MSH3: variants seen among roughly 807,000 people sequenced by gnomAD.
MSH3 encodes the protein mutS homolog 3.
MSH3 carries 106 observed loss-of-function variants against 123.3 expected under a neutral mutation model. The observed-to-expected ratio is 0.86, with a 90% CI of 0.73 to 1.01. The LOEUF is 1.01. Among genes scored for constraint, MSH3 ranks in the 50% least tolerant of loss-of-function variants. The pLI is 0.00. For synonymous variants in MSH3, 515 were observed against 481.4 expected (o/e 1.07, Z -0.91); for missense variants, 1,459 against 1,347.6 (o/e 1.08, Z -1.29).
chr5:80,852,471 A>G (rs527399244), intron 20 of MSH3, among the ~76,000 whole-genome samples: 24 of 152,336 alleles, frequency 1.6e-4, no homozygotes, highest in Admixed American at 1.5e-3. Context: ...ACATCCTGCC[A>G]CAATAAAGGC....
chr5:80,764,980 G>A (rs1744099665), intron 13 of MSH3, among the ~76,000 whole-genome samples: 1 of 152,152 alleles, frequency 6.6e-6, no homozygotes, highest in African/African-American at 2.4e-5. Context: ...TTGTGGGTCT[G>A]TGCTCAAGCT....
chr5:80,821,580 A>T (rs774395466), intron 20 of MSH3, among the ~76,000 whole-genome samples: 16 of 152,364 alleles, frequency 1.1e-4, no homozygotes, highest in Non-Finnish European at 2.1e-4. Context: ...TGCAGATTAT[A>T]GAGATTTAAA....
At chr5:80,690,323 T>G (rs1750199950) in intron 8 of MSH3, among the ~76,000 whole-genome samples, 1 of 152,016 alleles carries the variant, frequency 6.6e-6, no homozygotes, top group Non-Finnish European at 1.5e-5. Flanking sequence ...TGTTGTTGTT[T>G]TTGAGAGGAA....
At chr5:80,731,869 T>C (rs1445746930) in intron 10 of MSH3, among the ~76,000 whole-genome samples, 2 of 152,248 alleles carry the variant, frequency 1.3e-5, no homozygotes, top group African/African-American at 4.8e-5. Flanking sequence ...TTTTGGACTT[T>C]TATTTACAAA....
intron 18 of MSH3, among the ~76,000 whole-genome samples, chr5:80,790,144 A>G (rs1290336573): frequency 1.3e-5 from 2 of 152,300 alleles, no homozygotes; most frequent in East Asian, 3.9e-4. Flanking sequence ...TTTGGGAAAC[A>G]CTTGGACTTG....
At chr5:80,737,663 C>T (rs1477441991) in intron 10 of MSH3, among the ~76,000 whole-genome samples, 1 of 151,942 alleles carries the variant, frequency 6.6e-6, no homozygotes, top group East Asian at 1.9e-4. Context: ...TAGATATAAC[C>T]CTTAGTTCAA....
chr5:80,655,095 G>C (rs1477514225), intron 1 of MSH3, 131 bp downstream of exon 1: 6 of 569,404 alleles, frequency 1.1e-5, no homozygotes, highest in Non-Finnish European at 1.8e-5. Flanking sequence ...TGAAGAAGGG[G>C]AAGGTGGGAA....
chr5:80,665,914 T>C (rs566370138), intron 3 of MSH3, among the ~76,000 whole-genome samples: 14 of 152,212 alleles, frequency 9.2e-5, no homozygotes, highest in Non-Finnish European at 1.9e-4. Context: ...TTCAGAATAG[T>C]GATTGGTTCG....
In MSH3 at chr5:80,679,079, A is replaced by T; in HGVS notation, c.1326A>T (p.Arg442Ser). The change falls in exon 8 of 24, where the codon AGA becomes AGT. Residue 442 changes from arginine (R) to serine (S), a missense_variant. Transcript: ENST00000265081. ...AGCAAACAGAGGCGCTCATCCACAG[A>T]GCCACATCTGTTAGGTAAGTTGGCA... is the stretch of plus-strand genomic sequence containing the variant. ...LSEQTEALIH[R>S]ATSVSVQDDR... 6.2e-7 allele frequency: 1 copy of T among 1,614,054 alleles called. No individual in the cohort carries two copies. Among genetic ancestry groups the T allele is most frequent in the Non-Finnish European group, 8.5e-7 (1 of 1,179,986 alleles).
intron 19 of MSH3, among the ~76,000 whole-genome samples, chr5:80,804,966 A>G (rs1033392244): frequency 6.6e-6 from 1 of 152,250 alleles, no homozygotes; most frequent in Non-Finnish European, 1.5e-5. Flanking sequence ...TTAGCCTTCA[A>G]CAATAGGGAT....
intron 17 of MSH3, among the ~76,000 whole-genome samples, chr5:80,779,193 A>G (rs1744365134): frequency 6.6e-6 from 1 of 151,926 alleles, no homozygotes; most frequent in Non-Finnish European, 1.5e-5. Context: ...GGATTTCGCC[A>G]TGTTGGCCAG....
Position 80,778,749 on chromosome 5 carries a change from C to A in MSH3, c.2348C>A (p.Pro783His), listed in dbSNP as rs758635700. The change falls in exon 17 of 24, where the codon CCT (proline) becomes CAT (histidine). Residue 783 changes from proline to histidine, a missense_variant. Pro to His is a moderately conservative substitution (Grantham distance 77). Coordinates refer to ENST00000265081, the MANE Select transcript of MSH3 (RefSeq NM_002439.5). ...STKAVSRFHS[P>H]FIVENYRHLN... Reference sequence around the variant, plus strand: ...AAAGCTGTGAGCCGCTTTCACTCTCCTTTTATTGTAGAAAATTACAGACAT... The same window carrying A: ...AAAGCTGTGAGCCGCTTTCACTCTCATTTTATTGTAGAAAATTACAGACAT... 3 of 1,612,440 alleles carry A rather than the reference C, an allele frequency of 1.9e-6. No homozygotes were observed. The highest frequency in any genetic ancestry group is 1.7e-6 in the Non-Finnish European group (2 of 1,178,462).
At chr5:80,865,288 G>T (rs1472388871) in intron 22 of MSH3, among the ~76,000 whole-genome samples, 1 of 152,120 alleles carries the variant, frequency 6.6e-6, no homozygotes, top group Admixed American at 6.5e-5. Context: ...GTCACCTGCA[G>T]AGTATAATTA....
At chr5:80,663,603 T>C (rs1396402944) in intron 2 of MSH3, among the ~76,000 whole-genome samples, 6 of 152,094 alleles carry the variant, frequency 3.9e-5, no homozygotes, top group East Asian at 1.9e-4. Context: ...TACACACTTA[T>C]AGTATATTTT....
At chr5:80,736,276 A>G (rs1335167840) in intron 10 of MSH3, among the ~76,000 whole-genome samples, 2 of 149,530 alleles carry the variant, frequency 1.3e-5, no homozygotes, top group Non-Finnish European at 3.0e-5. Context: ...AAAATGAGCT[A>G]AAAGACACTA....
At chr5:80,746,889 A>G (rs1444661970) in intron 12 of MSH3, 1 of 183,878 alleles carries the variant, frequency 5.4e-6, no homozygotes. Context: ...AAGAAGAGGA[A>G]GGCAGAGGAC....
chr5:80,728,801 GAT>G, intron 9 of MSH3, 48 bp from the exon 10 acceptor site: 1 of 989,714 alleles, frequency 1.0e-6, no homozygotes, highest in Non-Finnish European at 1.6e-6. Context: ...TTTTTAATTT[GAT>G]TAATTTAAAA....
chr5:80,839,980 C>G (rs1014236409), intron 20 of MSH3, among the ~76,000 whole-genome samples: 1 of 152,114 alleles, frequency 6.6e-6, no homozygotes, highest in Non-Finnish European at 1.5e-5. Flanking sequence ...TATTTTAACT[C>G]TGGTTTTAGA....
At chr5:80,699,862 T>C (rs1353647447) in intron 8 of MSH3, among the ~76,000 whole-genome samples, 2 of 152,324 alleles carry the variant, frequency 1.3e-5, no homozygotes, top group East Asian at 3.9e-4. Context: ...AAGATTGATA[T>C]TGATGATAAC....
Sources: allele counts gnomAD v4.1 joint callset (sites outside exome capture counted in the v4.1 genomes callset), GRCh38; gene constraint gnomAD v4.1.1; transcripts MANE v1.5; gene names NCBI Gene and HGNC (gene_info 2026-07-23, HGNC 2026-07-21).